SULF2: variants seen among roughly 807,000 people sequenced by gnomAD.
SULF2 encodes sulfatase 2.
Under a neutral mutation model 107.7 loss-of-function variants are expected in SULF2, and 52 were observed. The ratio of observed to expected loss-of-function variants is 0.48; its 90% CI spans 0.39 to 0.61. The LOEUF is 0.61. Among genes scored for constraint, SULF2 ranks in the 20% least tolerant of loss-of-function variants. SULF2 has a pLI of 0.00. For missense variants in SULF2, 993 were observed against 1,177.3 expected (o/e 0.84, Z 2.29); for synonymous variants, 460 against 464.3 (o/e 0.99, Z 0.12).
intron 3 of SULF2, among the ~76,000 whole-genome samples, chr20:47,721,302 G>T (rs909691733): frequency 1.3e-5 from 2 of 152,098 alleles, no homozygotes; most frequent in Non-Finnish European, 2.9e-5. Context: ...GGCATCTTAT[G>T]TTGGAAGCAG....
At chr20:47,760,972 CCT>C (rs2090405833) in intron 1 of SULF2, among the ~76,000 whole-genome samples, 1 of 152,208 alleles carries the variant, frequency 6.6e-6, no homozygotes, top group African/African-American at 2.4e-5. Context: ...GCTGAAAGAC[CCT>C]GAGCTAGTAA....
In SULF2 at chr20:47,676,527, A is replaced by G. The variant is rs765076826; in HGVS notation, c.1347T>C (p.Ala449=). The change falls in exon 10 of 21, where the codon GCT becomes GCC. Residue 449 remains alanine (A), a synonymous_variant. Coordinates refer to ENST00000688720, the MANE Select transcript of SULF2 (RefSeq NM_001387048.1). ...GCTGCTCACACGCCGTCTGGTACTC[A>G]GCACGCTGACACAGGTCCTTCACAC... ...YQRVKDLCQR[A]EYQTACEQLG... is the part of the protein sequence containing the mutation. 4 of 1,602,996 alleles carry G rather than the reference A, an allele frequency of 2.5e-6. No homozygotes were observed. The highest frequency in any genetic ancestry group is 3.4e-5 in the Admixed American group (2 of 59,054).
At chr20:47,766,670 T>C (rs919328441) in intron 1 of SULF2, among the ~76,000 whole-genome samples, 9 of 151,980 alleles carry the variant, frequency 5.9e-5, no homozygotes, top group African/African-American at 2.2e-4. Flanking sequence ...TAAGTCAACA[T>C]AGGAAAAGCT....
chr20:47,728,014 A>G (rs1179745279), intron 3 of SULF2, among the ~76,000 whole-genome samples: 1 of 152,152 alleles, frequency 6.6e-6, no homozygotes, highest in Admixed American at 6.5e-5. Context: ...GGGGCTGTGC[A>G]ATTCCCGTGG....
At chr20:47,744,898 G>GT (rs1329134720) in intron 2 of SULF2, among the ~76,000 whole-genome samples, 1 of 152,042 alleles carries the variant, frequency 6.6e-6, no homozygotes, top group East Asian at 1.9e-4. Flanking sequence ...GTTTTGTTTT[G>GT]TATGTTAAAA....
At chr20:47,739,705 C>T (rs1380107295) in intron 2 of SULF2, among the ~76,000 whole-genome samples, 1 of 152,250 alleles carries the variant, frequency 6.6e-6, no homozygotes, top group African/African-American at 2.4e-5. Flanking sequence ...GCCTTCACCA[C>T]AAGGGCAGAG....
At chr20:47,726,094 C>G (rs115197471) in intron 3 of SULF2, among the ~76,000 whole-genome samples, 2 of 152,240 alleles carry the variant, frequency 1.3e-5, no homozygotes, top group African/African-American at 4.8e-5. Flanking sequence ...TGAGGAATCA[C>G]GGAAAGCACT....
At chr20:47,683,863 G>A (rs2087909611) in intron 6 of SULF2, among the ~76,000 whole-genome samples, 1 of 152,248 alleles carries the variant, frequency 6.6e-6, no homozygotes, top group African/African-American at 2.4e-5. Context: ...TTGAACACGT[G>A]GCGCTAAGTG....
intron 2 of SULF2, among the ~76,000 whole-genome samples, chr20:47,739,314 C>T (rs2089821892): frequency 6.6e-6 from 1 of 152,198 alleles, no homozygotes; most frequent in Non-Finnish European, 1.5e-5. Flanking sequence ...AGACCCACTG[C>T]AGCCTCCTGG....
In SULF2 at chr20:47,658,057, C is replaced by T. The variant is rs573676119; in HGVS notation, c.*305G>A. ...GGAAATCTCTCTCGCTCGCTCTCTC[C>T]GTTTTCCTTTGTGAGCTTCTGGGGG... On this transcript the variant is annotated 3_prime_UTR_variant, in exon 21 of 21. Transcript: ENST00000688720. 62 of 420,510 alleles carry T rather than the reference C, an allele frequency of 1.5e-4. No homozygotes were observed. The highest frequency in any genetic ancestry group is 2.0e-4 in the Non-Finnish European group (48 of 234,314). 26.0% of individuals were successfully genotyped at this position (420,510 alleles called of 1,614,324 possible).
chr20:47,662,710 C>T (rs965459320), intron 17 of SULF2, among the ~76,000 whole-genome samples: 1 of 152,162 alleles, frequency 6.6e-6, no homozygotes, highest in Admixed American at 6.5e-5. Flanking sequence ...ATATTAGCTG[C>T]GCGGTCCGTG....
intron 3 of SULF2, among the ~76,000 whole-genome samples, chr20:47,731,047 T>C (rs1015656813): frequency 1.3e-5 from 2 of 152,102 alleles, no homozygotes; most frequent in Non-Finnish European, 2.9e-5. Context: ...GATGCTCTCT[T>C]GCTCCTGCCA....
chr20:47,746,986 AAAAAAAAAAT>A (rs2090052591), intron 2 of SULF2, among the ~76,000 whole-genome samples: 1 of 40,904 alleles, frequency 2.4e-5, no homozygotes, highest in African/African-American at 8.9e-5. Context: ...AATAAATAAA[AAAAAAAAAAT>A]ATATATATAT....
chr20:47,734,987 T>A (rs926003247), intron 3 of SULF2, among the ~76,000 whole-genome samples: 2 of 152,222 alleles, frequency 1.3e-5, no homozygotes, highest in East Asian at 3.8e-4. Context: ...AACACTAGCC[T>A]TTAGCTCCCA....
chr20:47,697,053 GC>G (rs2088403857), intron 4 of SULF2, among the ~76,000 whole-genome samples: 1 of 152,188 alleles, frequency 6.6e-6, no homozygotes, highest in East Asian at 1.9e-4. Context: ...CTGCCAGGTC[GC>G]CCCCACACTG....
At position 47,680,116 on chromosome 20, in the gene SULF2, C is replaced by G. The variant is rs1424653893; in HGVS notation, c.1065-1312G>C. Among the ~76,000 whole-genome samples, 3 of 152,126 alleles carry G rather than the reference C, an allele frequency of 2.0e-5. No homozygotes were observed. The highest frequency in any genetic ancestry group is 4.4e-5 in the Non-Finnish European group (3 of 68,008). ...CTGCCACCTTTCCTGGCTCCTGTTTCTTTTTTTGAGAGGTGTCTTGCTCTG... is the reference window on the plus strand; with the variant it reads ...CTGCCACCTTTCCTGGCTCCTGTTTGTTTTTTTGAGAGGTGTCTTGCTCTG... On this transcript the variant is annotated intron_variant, in intron 7 of 20. Coordinates refer to ENST00000688720, the MANE Select transcript of SULF2 (RefSeq NM_001387048.1). This position sits in a 1 kb window ranked among gnomAD's most constrained non-coding sequence, Gnocchi z 4.2.
intron 2 of SULF2, among the ~76,000 whole-genome samples, chr20:47,742,622 G>A (rs1183621609): frequency 6.6e-6 from 1 of 152,182 alleles, no homozygotes; most frequent in Non-Finnish European, 1.5e-5. Flanking sequence ...GTGTACCACT[G>A]TGCTATGATT....
chr20:47,691,712 G>C (rs1269133833), intron 4 of SULF2, among the ~76,000 whole-genome samples: 1 of 152,162 alleles, frequency 6.6e-6, no homozygotes, highest in Non-Finnish European at 1.5e-5. Flanking sequence ...ATGCAGAAAT[G>C]ATATAAGGAG....
In SULF2 at chr20:47,678,604, A is replaced by G. The variant is rs749986977; in HGVS notation, c.1193+72T>C. The G allele has an allele frequency of 4.4e-5, 70 of 1,588,286 alleles. No homozygotes were observed. Among genetic ancestry groups the G allele is most frequent in the Non-Finnish European group, 6.0e-5 (70 of 1,164,560 alleles). On this transcript the variant is annotated intron_variant, in intron 8 of 20. Coordinates refer to ENST00000688720, the MANE Select transcript of SULF2 (RefSeq NM_001387048.1). This position sits in a 1 kb window ranked among gnomAD's most constrained non-coding sequence, Gnocchi z 4.5. Reference sequence around the variant, plus strand: ...CTTGGAGACCCCACGTTCTAGACCCACAGGGTTTTGCTCTGAGTTCCCGCA... The same window carrying G: ...CTTGGAGACCCCACGTTCTAGACCCGCAGGGTTTTGCTCTGAGTTCCCGCA...
Sources: allele counts gnomAD v4.1 joint callset (sites outside exome capture counted in the v4.1 genomes callset), GRCh38; gene constraint gnomAD v4.1.1; non-coding constraint Gnocchi (gnomAD v3.1); transcripts MANE v1.5; gene names NCBI Gene and HGNC (gene_info 2026-07-23, HGNC 2026-07-21).